Variants in KCNIP4 observed in about 807,000 individuals in gnomAD.
KCNIP4 encodes Kv channel-interacting protein 4.
KCNIP4 carries 12 observed loss-of-function variants against 34.0 expected under a neutral mutation model. That is an observed-to-expected ratio of 0.35 (90% CI 0.23 to 0.57). The LOEUF (loss-of-function observed/expected upper bound fraction) is 0.57. Ranked by LOEUF, KCNIP4 falls within the 20% of genes least tolerant of loss-of-function variation. The probability of loss-of-function intolerance (pLI) is 0.83; values close to 1 mark genes in which losing one functional copy is unlikely to be tolerated. For missense variants in KCNIP4, 238 were observed against 311.7 expected (o/e 0.76, Z 1.78); for synonymous variants, 124 against 102.2 (o/e 1.21, Z -1.29).
intron 1 of KCNIP4, among the ~76,000 whole-genome samples, chr4:21,112,407 G>A (rs146070487): frequency 0.012 from 1,903 of 152,270 alleles, 20 homozygotes; most frequent in South Asian, 0.026. Context: ...CTTTGTATGC[G>A]GATGGAGTTT....
Position 21,157,765 on chromosome 4 carries a change from T to G in KCNIP4, c.62-275056A>C, listed in dbSNP as rs539555261. Among the ~76,000 whole-genome samples the G allele has an allele frequency of 6.6e-5, 10 of 152,184 alleles. No individual in the cohort carries two copies. The South Asian group carries it at 2.1e-3, about 31-fold the overall frequency. Reference sequence around the variant, plus strand: ...ATAGCCTTAACTTCTACCTTAACAATAACATTTAATTAGAAAAAGAAGAGT... The same window carrying G: ...ATAGCCTTAACTTCTACCTTAACAAGAACATTTAATTAGAAAAAGAAGAGT... On this transcript the variant is annotated intron_variant, in intron 1 of 8. Coordinates refer to ENST00000382152, the MANE Select transcript of KCNIP4 (RefSeq NM_025221.6).
intron 5 of KCNIP4, among the ~76,000 whole-genome samples, chr4:20,738,711 G>A (rs975176394): frequency 6.6e-6 from 1 of 152,320 alleles, no homozygotes; most frequent in Non-Finnish European, 1.5e-5. Flanking sequence ...ATTTCCAACT[G>A]AGGTACCAGG....
chr4:21,156,974 T>A (rs1326183449), intron 1 of KCNIP4, among the ~76,000 whole-genome samples: 1 of 152,134 alleles, frequency 6.6e-6, no homozygotes, highest in East Asian at 1.9e-4. Flanking sequence ...TAACTGATAA[T>A]TCCCCCCAAG....
At chr4:21,605,099 C>T (rs1198911032) in intron 1 of KCNIP4, among the ~76,000 whole-genome samples, 1 of 152,104 alleles carries the variant, frequency 6.6e-6, no homozygotes, top group Non-Finnish European at 1.5e-5. Flanking sequence ...GTGTGGTCCA[C>T]GTTGAAATGA....
At chr4:21,208,120 G>T (rs147430105) in intron 1 of KCNIP4, among the ~76,000 whole-genome samples, 99 of 152,170 alleles carry the variant, frequency 6.5e-4, no homozygotes, top group African/African-American at 2.3e-3. Context: ...GGGATTACAG[G>T]TGTGCGCCAC....
chr4:21,470,863 G>A (rs892922862), intron 1 of KCNIP4, among the ~76,000 whole-genome samples: 2 of 151,998 alleles, frequency 1.3e-5, no homozygotes, highest in Admixed American at 1.3e-4. Context: ...AAAATCATTA[G>A]AGAAGTACTT....
chr4:21,421,838 T>C (rs370070363), intron 1 of KCNIP4, among the ~76,000 whole-genome samples: 34 of 152,300 alleles, frequency 2.2e-4, no homozygotes, highest in African/African-American at 7.9e-4. Flanking sequence ...TGTATACATA[T>C]ATCAAAACAT....
At chr4:21,217,643 G>A (rs1279649222) in intron 1 of KCNIP4, among the ~76,000 whole-genome samples, 1 of 152,126 alleles carries the variant, frequency 6.6e-6, no homozygotes, top group Non-Finnish European at 1.5e-5. Flanking sequence ...GGGGAATTGA[G>A]CTTAGGTAGA....
At position 21,948,601 on chromosome 4, in the gene KCNIP4, C is replaced by T; in HGVS notation, c.31G>A (p.Ala11Thr). The T allele has an allele frequency of 6.2e-7, 1 of 1,613,714 alleles. No homozygotes were observed. Among genetic ancestry groups the T allele is most frequent in the Non-Finnish European group, 8.5e-7 (1 of 1,179,808 alleles). The change falls in exon 1 of 9, where the codon GCT becomes ACT. Residue 11 changes from alanine to threonine, a missense_variant. Transcript: ENST00000382152. ...GTAGAGCTGGCCTCCTCCAGCTGAG[C>T]CGAAATGCTTTCCACCCTCCTCACA... MNVRRVESIS[A>T]QLEEASSTGG...
intron 1 of KCNIP4, among the ~76,000 whole-genome samples, chr4:21,482,450 C>A (rs192133697): frequency 1.4e-4 from 22 of 152,188 alleles, no homozygotes; most frequent in African/African-American, 7.2e-5. Flanking sequence ...TGCCTGGTAC[C>A]GGTTGTTCCT....
chr4:21,601,856 C>T (rs1743192036), intron 1 of KCNIP4, among the ~76,000 whole-genome samples: 1 of 152,160 alleles, frequency 6.6e-6, no homozygotes, highest in South Asian at 2.1e-4. Context: ...TTATTCAGGT[C>T]TCAACTGTCA....
intron 1 of KCNIP4, among the ~76,000 whole-genome samples, chr4:20,941,406 C>A (rs778743964): frequency 6.6e-6 from 1 of 152,126 alleles, no homozygotes; most frequent in South Asian, 2.1e-4. Flanking sequence ...GTAAAAGTTA[C>A]GAAACAGATG....
Position 21,434,058 on chromosome 4 carries a change from C to T in KCNIP4, c.61+514513G>A, listed in dbSNP as rs188041132. On this transcript the variant is annotated intron_variant, in intron 1 of 8. Transcript: ENST00000382152. The stretch of plus-strand genomic sequence containing the variant: ...CTATTTTTATTCCAGGCTCTCAGCT[C>T]AGAAGTAACCTGCCCAAGATATCCC... Among the ~76,000 whole-genome samples the T allele has an allele frequency of 2.0e-3, 298 of 152,278 alleles. 5 individuals carry two copies. The highest frequency in any genetic ancestry group is 0.01 in the Middle Eastern group (3 of 294).
At chr4:21,879,938 C>T (rs1210056383) in intron 1 of KCNIP4, among the ~76,000 whole-genome samples, 1 of 152,036 alleles carries the variant, frequency 6.6e-6, no homozygotes. Context: ...TCACTCTGCA[C>T]TTCGCCTTCT....
intron 1 of KCNIP4, among the ~76,000 whole-genome samples, chr4:21,196,677 T>C (rs1474937661): frequency 1.3e-5 from 2 of 152,248 alleles, no homozygotes; most frequent in Non-Finnish European, 2.9e-5. Flanking sequence ...AAATTATATT[T>C]TCACTTTACC....
At chr4:20,921,057 G>T (rs917627616) in intron 1 of KCNIP4, among the ~76,000 whole-genome samples, 4 of 152,070 alleles carry the variant, frequency 2.6e-5, no homozygotes, top group Non-Finnish European at 4.4e-5. Context: ...GAGTCAAAAA[G>T]AACTGGAAAC....
intron 1 of KCNIP4, among the ~76,000 whole-genome samples, chr4:21,906,389 T>C (rs1411067228): frequency 6.6e-6 from 1 of 152,062 alleles, no homozygotes; most frequent in East Asian, 1.9e-4. Context: ...AACGTGAAGA[T>C]AGAAGCAGAG....
chr4:21,589,192 A>ATG (rs1741929286), intron 1 of KCNIP4, among the ~76,000 whole-genome samples: 1 of 62,730 alleles, frequency 1.6e-5, no homozygotes, highest in Non-Finnish European at 3.2e-5. Flanking sequence ...ATATATATAT[A>ATG]TATATATATG....
At chr4:21,714,393 T>C (rs940398306) in intron 1 of KCNIP4, among the ~76,000 whole-genome samples, 2 of 151,818 alleles carry the variant, frequency 1.3e-5, no homozygotes, top group African/African-American at 4.8e-5. Flanking sequence ...CAGCATCGGC[T>C]ACCTAGGACA....
Sources: allele counts gnomAD v4.1 joint callset (sites outside exome capture counted in the v4.1 genomes callset), GRCh38; gene constraint gnomAD v4.1.1; transcripts MANE v1.5; gene names NCBI Gene and HGNC (gene_info 2026-07-23, HGNC 2026-07-21).